Variants in TWSG1 observed in about 807,000 individuals in gnomAD.
TWSG1 encodes twisted gastrulation protein homolog 1.
In TWSG1, 15 loss-of-function variants were observed where a neutral mutation model predicts 23.0. That is an observed-to-expected ratio of 0.65 (90% CI 0.44 to 1.00). The LOEUF (loss-of-function observed/expected upper bound fraction) is 1.00, where lower values mean the gene tolerates loss of function less well. Among genes scored for constraint, TWSG1 ranks in the 50% least tolerant of loss-of-function variants. The pLI is 0.00. For synonymous variants in TWSG1, 86 were observed against 92.8 expected (o/e 0.93, Z 0.42); for missense variants, 242 against 278.7 (o/e 0.87, Z 0.94).
rs531813509 is a variant in TWSG1 at position 9,401,663 on chromosome 18, T to G, written c.*2136T>G. 4.6e-5 allele frequency: 7 copies of G among 152,162 alleles called. No homozygotes were observed. Among genetic ancestry groups the G allele is most frequent in the Non-Finnish European group, 1.0e-4 (7 of 68,022 alleles). The allele number at this position is 152,162 out of a possible 1,614,324, so 9.4% of individuals were successfully genotyped here. A position where few individuals can be genotyped will look rare whatever the true frequency, so the allele number is the denominator to read the frequency against. ...ATTTATGAGGGTTTGAAAGAAAGAATTCACCTAAAAGATTCCATTTCCAGT... is the reference window on the plus strand; with the variant it reads ...ATTTATGAGGGTTTGAAAGAAAGAAGTCACCTAAAAGATTCCATTTCCAGT... On this transcript the variant is annotated 3_prime_UTR_variant, in exon 5 of 5. Coordinates refer to ENST00000262120, the MANE Select transcript of TWSG1 (RefSeq NM_020648.6).
intron 4 of TWSG1, 85 bp from the exon 5 acceptor site, chr18:9,399,261 G>A (rs1038927663): frequency 1.7e-5 from 15 of 874,216 alleles, no homozygotes; most frequent in East Asian, 5.1e-5. Context: ...ATAAATAACT[G>A]TTAATATTCA....
Position 9,337,301 on chromosome 18 carries a change from G to T in TWSG1, c.72G>T (p.Leu24=). ...LMFLTWLPES[L]SCNKALCASD... is the part of the protein sequence containing the mutation. ...TCCTGACATGGCTTCCAGAATCACT[G>T]AGCTGTAACAAAGCACTCTGTGCTA... Residue 24 remains leucine (L), a synonymous_variant, in exon 2 of 5, where the codon CTG becomes CTT. Coordinates refer to ENST00000262120, the MANE Select transcript of TWSG1 (RefSeq NM_020648.6). 1.2e-6 allele frequency: 2 copies of T among 1,613,654 alleles called. No individual in the cohort carries two copies. Among genetic ancestry groups the T allele is most frequent in the Non-Finnish European group, 1.7e-6 (2 of 1,179,996 alleles).
intron 3 of TWSG1, among the ~76,000 whole-genome samples, chr18:9,377,483 T>A (rs1032440888): frequency 3.3e-5 from 5 of 151,980 alleles, no homozygotes; most frequent in Non-Finnish European, 7.4e-5. Flanking sequence ...CCTCCCAAAG[T>A]GCTGGGATTA....
At chr18:9,364,077 TC>T (rs1310819112) in intron 3 of TWSG1, among the ~76,000 whole-genome samples, 1 of 152,260 alleles carries the variant, frequency 6.6e-6, no homozygotes, top group Non-Finnish European at 1.5e-5. Context: ...TTCTTAAGTT[TC>T]TTTTATTCTA....
At chr18:9,397,333 CTTTA>C (rs2040742114) in intron 4 of TWSG1, among the ~76,000 whole-genome samples, 1 of 152,154 alleles carries the variant, frequency 6.6e-6, no homozygotes, top group South Asian at 2.1e-4. Context: ...AGCTAAATTT[CTTTA>C]TAAGCAAGTT....
chr18:9,397,173 T>C (rs1173628460), intron 4 of TWSG1: 2 of 152,468 alleles, frequency 1.3e-5, no homozygotes, highest in Non-Finnish European at 2.9e-5. Flanking sequence ...AATTCTGGTA[T>C]TTATTTGTGC....
chr18:9,389,127 C>T (rs1471143274), intron 3 of TWSG1, among the ~76,000 whole-genome samples: 2 of 152,080 alleles, frequency 1.3e-5, no homozygotes, highest in African/African-American at 4.8e-5. Context: ...CAGGTATGCA[C>T]CACCATGCCA....
At chr18:9,339,522 G>A (rs1052591509) in intron 2 of TWSG1, among the ~76,000 whole-genome samples, 19 of 152,102 alleles carry the variant, frequency 1.2e-4, no homozygotes, top group African/African-American at 3.9e-4. Flanking sequence ...GAGCTCAAGC[G>A]ATCTGCCAAG....
chr18:9,364,353 G>A (rs1225420390), intron 3 of TWSG1, among the ~76,000 whole-genome samples: 3 of 152,168 alleles, frequency 2.0e-5, no homozygotes, highest in Non-Finnish European at 4.4e-5. Context: ...ATATCCAGAC[G>A]TCCTGCTTTT....
chr18:9,399,346 A>T lies in TWSG1; in HGVS notation c.491A>T (p.Glu164Val). The T allele has an allele frequency of 1.3e-6, 2 of 1,561,598 alleles. No homozygotes were observed. Among genetic ancestry groups the T allele is most frequent in the Non-Finnish European group, 1.7e-6 (2 of 1,157,590 alleles). ...GAAATCTTAAATTTTTGTTTTTCAG[A>T]ACACATGTGTACTGTGGTTTATTTT... ...NVHAPYSSDK[E>V]HMCTVVYFDD... Residue 164 changes from glutamate (E) to valine (V), a missense_variant and splice_region_variant, in exon 5 of 5, where the codon GAA becomes GTA. Glu to Val is a moderately radical substitution (Grantham distance 121). Coordinates refer to ENST00000262120, the MANE Select transcript of TWSG1 (RefSeq NM_020648.6).
At chr18:9,337,965 T>C (rs2040430140) in intron 2 of TWSG1, among the ~76,000 whole-genome samples, 1 of 152,200 alleles carries the variant, frequency 6.6e-6, no homozygotes, top group African/African-American at 2.4e-5. Context: ...AAGGCAGGCC[T>C]CTTAATGTAG....
intron 3 of TWSG1, among the ~76,000 whole-genome samples, chr18:9,374,877 T>C (rs777404208): frequency 3.3e-5 from 5 of 152,074 alleles, no homozygotes; most frequent in South Asian, 2.1e-4. Context: ...AATCAAGCAA[T>C]GTGGGCTGGG....
chr18:9,359,073 A>T (rs2040540336), intron 2 of TWSG1, among the ~76,000 whole-genome samples: 1 of 152,116 alleles, frequency 6.6e-6, no homozygotes, highest in Non-Finnish European at 1.5e-5. Flanking sequence ...ACCACCCTAA[A>T]GTTTAGTGGG....
intron 3 of TWSG1, among the ~76,000 whole-genome samples, chr18:9,387,408 C>G (rs549361884): frequency 4.6e-5 from 7 of 152,264 alleles, no homozygotes; most frequent in Non-Finnish European, 8.8e-5. Context: ...CACGCAGGTT[C>G]AGCAGTGGTC....
At chr18:9,394,940 A>G (rs907472426) in intron 3 of TWSG1, among the ~76,000 whole-genome samples, 3 of 152,246 alleles carry the variant, frequency 2.0e-5, no homozygotes, top group African/African-American at 4.8e-5. Flanking sequence ...CAGGAAGCCA[A>G]TATCAATATA....
intron 2 of TWSG1, among the ~76,000 whole-genome samples, chr18:9,351,231 A>G (rs1403446445): frequency 6.6e-6 from 1 of 152,224 alleles, no homozygotes; most frequent in East Asian, 1.9e-4. Flanking sequence ...TATTATAAAA[A>G]TATATTTTCT....
In TWSG1 at chr18:9,360,822, C is replaced by T. The variant is rs146311973; in HGVS notation, c.223+751C>T. 3.4e-3 allele frequency among the ~76,000 whole-genome samples: 516 copies of T among 152,260 alleles called. 6 individuals carry two copies. Among genetic ancestry groups the T allele is most frequent in the African/African-American group, 0.012 (489 of 41,540 alleles). ...AATCCCATCTCAGTTCTTTCCAAGC[C>T]TTTGATCCTATGCCCAGAGACTACC... On this transcript the variant is annotated intron_variant, in intron 3 of 4. Coordinates refer to ENST00000262120, the MANE Select transcript of TWSG1 (RefSeq NM_020648.6).
At chr18:9,337,475 G>GACACAC in intron 2 of TWSG1, 123 bp downstream of exon 2, 1 of 1,023,458 alleles carries the variant, frequency 9.8e-7, no homozygotes, top group East Asian at 2.7e-5. Flanking sequence ...GTCAGGGCCT[G>GACACAC]AGGTACTGAA....
intron 2 of TWSG1, among the ~76,000 whole-genome samples, chr18:9,354,051 T>C (rs1249427313): frequency 6.6e-6 from 1 of 152,224 alleles, no homozygotes; most frequent in East Asian, 1.9e-4. Flanking sequence ...TATAGGCTTA[T>C]TCTTTCTAAG....
Sources: gnomAD v4.1 joint callset for allele counts (sites outside exome capture counted in the v4.1 genomes callset) on GRCh38, gnomAD v4.1.1 for gene constraint, MANE v1.5 for transcripts, NCBI Gene and HGNC (gene_info 2026-07-23, HGNC 2026-07-21) for gene names.